SLC17A2: variants seen among roughly 807,000 people sequenced by gnomAD.
SLC17A2 encodes the protein solute carrier family 17 member 2.
A neutral mutation model predicts 52.1 loss-of-function variants in SLC17A2; 38 were observed. The observed-to-expected ratio is 0.73, with a 90% CI of 0.56 to 0.96. The LOEUF (loss-of-function observed/expected upper bound fraction) is 0.96. SLC17A2 is among the 40% of genes least tolerant of loss of function. SLC17A2 has a pLI of 0.00. For synonymous variants in SLC17A2, 226 were observed against 211.9 expected, an observed-to-expected ratio of 1.07 and a Z score of -0.58; for missense variants, 508 against 583.9, an observed-to-expected ratio of 0.87 and a Z score of 1.34.
Position 25,925,828 on chromosome 6 carries a change from G to C in SLC17A2, c.-32C>G. 1 of 1,613,208 alleles carries C rather than the reference G, an allele frequency of 6.2e-7. No homozygotes were observed. The highest frequency in any genetic ancestry group is 8.5e-7 in the Non-Finnish European group (1 of 1,179,118). On this transcript the variant is annotated 5_prime_UTR_variant, in exon 2 of 12. Coordinates refer to ENST00000377850, the MANE Select transcript of SLC17A2 (RefSeq NM_001286123.3). ...TCTGTGGGAAATGGTACCACGCTTT[G>C]TGGTGGAGTTTCCCTGTGCCCTGAA...
intron 8 of SLC17A2, 142 bp downstream of exon 8, chr6:25,916,543 G>T: frequency 1.4e-6 from 1 of 717,908 alleles, no homozygotes; most frequent in Non-Finnish European, 2.3e-6. Flanking sequence ...TGTGAAAAGG[G>T]AATTATAACA....
chr6:25,925,876 T>C lies in SLC17A2; in HGVS notation c.-80A>G. 2.9e-6 allele frequency: 4 copies of C among 1,374,866 alleles called. No individual in the cohort carries two copies. Among genetic ancestry groups the C allele is most frequent in the Non-Finnish European group, 4.2e-6 (4 of 961,690 alleles). 85.2% of individuals were successfully genotyped at this position (1,374,866 alleles called of 1,614,324 possible). A position where few individuals can be genotyped will look rare whatever the true frequency, so the allele number is the denominator to read the frequency against. On this transcript the variant is annotated 5_prime_UTR_variant, in exon 2 of 12. It removes the in-frame stop codon of an upstream open reading frame in the 5' UTR. Coordinates refer to ENST00000377850, the MANE Select transcript of SLC17A2 (RefSeq NM_001286123.3). Reference sequence around the variant, plus strand: ...GAATCTCTTTTACTACGACAGTCTTTTATCTATGGAGAGAACATAATCCAA... The same window carrying C: ...GAATCTCTTTTACTACGACAGTCTTCTATCTATGGAGAGAACATAATCCAA...
Position 25,916,919 on chromosome 6 carries a change from C to G in SLC17A2, c.768+50G>C, listed in dbSNP as rs1457093864. On this transcript the variant is annotated intron_variant, in intron 7 of 11. Transcript: ENST00000377850. ...GTGCCTCTCAGAGGAGATCCACACC[C>G]TGCCCTAGAGACCTCTGCATGGGCC... 2.5e-6 allele frequency: 4 copies of G among 1,607,110 alleles called. No individual in the cohort carries two copies. In the South Asian group the frequency reaches 4.4e-5, roughly 18 times the overall value.
Position 25,917,034 on chromosome 6 carries a change from G to A in SLC17A2, c.703C>T (p.Pro235Ser). The change falls in exon 7 of 12, where the codon CCC becomes TCC. Residue 235 changes from proline (P) to serine (S), a missense_variant. Physicochemically the swap from Pro to Ser is moderately conservative, Grantham distance 74. Coordinates refer to ENST00000377850, the MANE Select transcript of SLC17A2 (RefSeq NM_001286123.3). ...LLWFTVIYDD[P>S]MHHPCISVRE... is the part of the protein sequence containing the mutation. ...ACACTTATGCACGGGTGATGCATGG[G>A]GTCATCATAAATCACTGTGAACCAT... The A allele has an allele frequency of 1.2e-6, 2 of 1,614,090 alleles. No homozygotes were observed. The highest frequency in any genetic ancestry group is 8.5e-7 in the Non-Finnish European group (1 of 1,179,998).
chr6:25,922,179 T>C (rs1766587032), intron 3 of SLC17A2, among the ~76,000 whole-genome samples: 1 of 151,796 alleles, frequency 6.6e-6, no homozygotes, highest in African/African-American at 2.4e-5. Context: ...CTATAAATAA[T>C]ACAAGGTATA....
In SLC17A2 at chr6:25,921,351, C is replaced by T. The variant is rs1159837382; in HGVS notation, c.302G>A (p.Gly101Glu). 6.2e-7 allele frequency: 1 copy of T among 1,614,054 alleles called. No homozygotes were observed. The highest frequency in any genetic ancestry group is 8.5e-7 in the Non-Finnish European group (1 of 1,180,014). Residue 101 changes from glycine to glutamate, a missense_variant, in exon 4 of 12, where the codon GGG becomes GAG. By Grantham distance (98) the Gly-to-Glu change is moderately conservative (BLOSUM62 -2). Transcript: ENST00000377850. ...ACTTGGGATCAGAGTCAGTATTATC[C>T]CATAGTTGATGGAGCTAAAGATGAT... ...QGIIFSSINY[G>E]IILTLIPSGY...
intron 11 of SLC17A2, 95 bp from the exon 12 acceptor site, chr6:25,913,546 C>T (rs548271529): frequency 1.6e-6 from 2 of 1,221,568 alleles, no homozygotes; most frequent in African/African-American, 3.0e-5. Flanking sequence ...ATGTTGATCA[C>T]AAGGAATATA....
At chr6:25,915,996 T>C in intron 8 of SLC17A2, 128 bp from the exon 9 acceptor site, 5 of 740,064 alleles carry the variant, frequency 6.8e-6, no homozygotes, top group Admixed American at 2.9e-5. Context: ...ATTAGCATCC[T>C]TTTTCACACT....
At chr6:25,919,395 T>C (rs949075857) in intron 5 of SLC17A2, among the ~76,000 whole-genome samples, 1 of 151,976 alleles carries the variant, frequency 6.6e-6, no homozygotes, top group Non-Finnish European at 1.5e-5. Context: ...TGAGGATAAA[T>C]TGATAATAAT....
intron 3 of SLC17A2, among the ~76,000 whole-genome samples, chr6:25,921,905 A>T (rs1231709856): frequency 6.6e-6 from 1 of 152,076 alleles, no homozygotes; most frequent in African/African-American, 2.4e-5. Context: ...AATGAATAAG[A>T]TCACATTCTT....
chr6:25,915,452 C>A (rs762532254), intron 10 of SLC17A2, 47 bp downstream of exon 10: 2 of 1,520,414 alleles, frequency 1.3e-6, no homozygotes, highest in South Asian at 1.3e-5. Flanking sequence ...AGGTCTAACA[C>A]CTCTGGAGGG....
Position 25,923,789 on chromosome 6 carries a change from G to A in SLC17A2, c.146C>T (p.Thr49Ile), listed in dbSNP as rs374131182. 1.9e-6 allele frequency: 3 copies of A among 1,614,082 alleles called. No homozygotes were observed. Among genetic ancestry groups the A allele is most frequent in the Non-Finnish European group, 2.5e-6 (3 of 1,180,040 alleles). Reference sequence around the variant, plus strand: ...GGCATTAGATAGACCTTGCTGCTGAGTGGTGTTCACCATGGCGATGATCGC... The same window carrying A: ...GGCATTAGATAGACCTTGCTGCTGAATGGTGTTCACCATGGCGATGATCGC... ...SIAIIAMVNT[T>I]QQQGLSNAST... Residue 49 changes from threonine to isoleucine, a missense_variant, in exon 3 of 12, where the codon ACT becomes ATT. Transcript: ENST00000377850.
At position 25,916,710 on chromosome 6, in the gene SLC17A2, G is replaced by A; in HGVS notation, c.905C>T (p.Thr302Ile). 1 of 1,613,604 alleles carries A rather than the reference G, an allele frequency of 6.2e-7. No individual in the cohort carries two copies. Among genetic ancestry groups the A allele is most frequent in the Non-Finnish European group, 8.5e-7 (1 of 1,179,490 alleles). Residue 302 changes from threonine to isoleucine, a missense_variant, in exon 8 of 12, where the codon ACT becomes ATT. Transcript: ENST00000377850. ...ATCTCTGATGTTAACATGGAGCAGA[G>A]TACTGATATACGTTGGTAGGTATGT... ...ILTYLPTYISTLLHVNIRDSG... is the reference protein window; with the variant it reads ...ILTYLPTYISILLHVNIRDSG...
At position 25,921,327 on chromosome 6, in the gene SLC17A2, C is replaced by G. The variant is rs374311579; in HGVS notation, c.326G>C (p.Ser109Thr). ...NYGIILTLIPSGYLAGIFGAK... is the reference protein window; with the variant it reads ...NYGIILTLIPTGYLAGIFGAK... ...TCCAAATATCCCTGCTAAATATCCACTTGGGATCAGAGTCAGTATTATCCC... is the reference window on the plus strand; with the variant it reads ...TCCAAATATCCCTGCTAAATATCCAGTTGGGATCAGAGTCAGTATTATCCC... The change falls in exon 4 of 12, where the codon AGT becomes ACT. Residue 109 changes from serine (S) to threonine (T), a missense_variant. Transcript: ENST00000377850. 1.5e-5 allele frequency: 25 copies of G among 1,614,014 alleles called. No individual in the cohort carries two copies. Among genetic ancestry groups the G allele is most frequent in the Non-Finnish European group, 1.3e-5 (15 of 1,180,000 alleles).
intron 11 of SLC17A2, 65 bp from the exon 12 acceptor site, chr6:25,913,516 C>T: frequency 1.3e-6 from 2 of 1,495,730 alleles, no homozygotes; most frequent in Non-Finnish European, 1.8e-6. Flanking sequence ...TTCTAGTAGC[C>T]CTCCCAGTTG....
chr6:25,922,605 T>C (rs544078427), intron 3 of SLC17A2, among the ~76,000 whole-genome samples: 1 of 152,174 alleles, frequency 6.6e-6, no homozygotes, highest in African/African-American at 2.4e-5. Context: ...GAGGAAAGAC[T>C]GGAGACAATA....
At chr6:25,913,478 T>G (rs1173066064) in intron 11 of SLC17A2, 27 bp from the exon 12 acceptor site, 1 of 1,610,738 alleles carries the variant, frequency 6.2e-7, no homozygotes. Context: ...GAGAAAATGA[T>G]CAATCTCACA....
In SLC17A2 at chr6:25,914,566, T is replaced by C; in HGVS notation, c.1302+14A>G. 6.4e-7 allele frequency: 1 copy of C among 1,569,956 alleles called. No individual in the cohort carries two copies. Among genetic ancestry groups the C allele is most frequent in the Non-Finnish European group, 8.8e-7 (1 of 1,139,464 alleles). On this transcript the variant is annotated intron_variant, in intron 11 of 11. Transcript: ENST00000377850. ...ATACCTGCCACTTGAAGATGTTCAA[T>C]AAACTGGCCCAACCTGACTGATGAG...
In SLC17A2 at chr6:25,916,660, G is replaced by T. The variant is rs76376636; in HGVS notation, c.930+25C>A. The T allele has an allele frequency of 1.5e-5, 23 of 1,580,382 alleles. No homozygotes were observed. In the East Asian group the frequency reaches 3.1e-4, roughly 22 times the overall value. ...TCTCCTTATTACCATTATCATTTTC[G>T]TAGAAGTATAGGAAGTAAACTCACA... On this transcript the variant is annotated intron_variant, in intron 8 of 11. Transcript: ENST00000377850.
Sources: allele counts gnomAD v4.1 joint callset (sites outside exome capture counted in the v4.1 genomes callset), GRCh38; gene constraint gnomAD v4.1.1; transcripts MANE v1.5; gene names NCBI Gene and HGNC (gene_info 2026-07-23, HGNC 2026-07-21).